The following CCNH variants were observed in gnomAD, a reference collection of about 807,000 sequenced individuals.
CCNH encodes cyclin-H.
Under a neutral mutation model 41.9 loss-of-function variants are expected in CCNH, and 31 were observed. The observed-to-expected ratio is 0.74, with a 90% confidence interval of 0.56 to 1.00. The LOEUF (loss-of-function observed/expected upper bound fraction) is 1.00. Ranked by LOEUF, CCNH falls within the 50% of genes least tolerant of loss-of-function variation. The pLI is 0.00. For missense variants in CCNH, 362 were observed against 388.4 expected (o/e 0.93, Z 0.57); for synonymous variants, 138 against 136.1 (o/e 1.01, Z -0.10).
At chr5:87,323,747 T>C (rs1452303653) in intron 9 of CCNH, among the ~76,000 whole-genome samples, 1 of 152,096 alleles carries the variant, frequency 6.6e-6, no homozygotes, top group African/African-American at 2.4e-5. Context: ...TTTTTCCCAC[T>C]GCCTGTTATA....
chr5:87,403,908 G>A (rs560988319), intron 5 of CCNH, among the ~76,000 whole-genome samples: 2 of 152,278 alleles, frequency 1.3e-5, no homozygotes, highest in East Asian at 3.9e-4. Context: ...CTAAAGTGTA[G>A]TACAGTGCAT....
rs1314156817 is a variant in CCNH at position 87,338,506 on chromosome 5, T to TAC, written c.*91-19610_*91-19609insGT. On this transcript the variant is annotated intron_variant and NMD_transcript_variant, in intron 9 of 9. Transcript: ENST00000645953. ...GCCACCATGCCCAGCTAATTTTATATATATATATATATATATATATATATA... is the reference window on the plus strand; with the variant it reads ...GCCACCATGCCCAGCTAATTTTATATACATATATATATATATATATATATATA... 3.3e-4 allele frequency among the ~76,000 whole-genome samples: 29 copies of TAC among 87,072 alleles called. No individual in the cohort carries two copies. The South Asian group carries it at 0.011, about 32-fold the overall frequency. The allele number at this position is 87,072 out of a possible 152,430, so 57.1% of individuals were successfully genotyped here. A position where few individuals can be genotyped will look rare whatever the true frequency, so the allele number is the denominator to read the frequency against.
chr5:87,334,698 G>A lies in CCNH; in HGVS notation c.*91-15801C>T, dbSNP rs149679797. ...TGTATTCTTCACTGTTACACACTTA[G>A]AGTTAAAGACAGTTTCATTGAAGAG... On this transcript the variant is annotated intron_variant and NMD_transcript_variant, in intron 9 of 9. Transcript: ENST00000645953. 6.6e-5 allele frequency among the ~76,000 whole-genome samples: 10 copies of A among 152,308 alleles called. No homozygotes were observed. The East Asian group carries it at 1.7e-3, about 26-fold the overall frequency.
intron 4 of CCNH, 137 bp downstream of exon 4, chr5:87,407,839 T>C (rs1763912532): frequency 3.2e-6 from 2 of 622,744 alleles, no homozygotes; most frequent in South Asian, 4.2e-5. Context: ...ACAACTGCCC[T>C]AGATGACCAG....
At chr5:87,383,377 C>G (rs1184651477) in intron 9 of CCNH, among the ~76,000 whole-genome samples, 1 of 152,072 alleles carries the variant, frequency 6.6e-6, no homozygotes, top group Non-Finnish European at 1.5e-5. Context: ...ATACTACTTT[C>G]TCTAAGTATC....
At chr5:87,327,635 C>T (rs1282990667) in intron 9 of CCNH, among the ~76,000 whole-genome samples, 1 of 152,136 alleles carries the variant, frequency 6.6e-6, no homozygotes, top group African/African-American at 2.4e-5. Flanking sequence ...TCTTTGAGTT[C>T]TGTCAGCCTA....
At chr5:87,364,637 A>C (rs1365621268) in intron 9 of CCNH, among the ~76,000 whole-genome samples, 1 of 152,090 alleles carries the variant, frequency 6.6e-6, no homozygotes, top group Non-Finnish European at 1.5e-5. Context: ...CTTAACCTTC[A>C]AATGTGGTTG....
chr5:87,384,929 G>T (rs1409524140), intron 9 of CCNH, among the ~76,000 whole-genome samples: 3 of 152,078 alleles, frequency 2.0e-5, no homozygotes, highest in Admixed American at 1.3e-4. Flanking sequence ...AACCTGAGTA[G>T]GTTGAAATTA....
At chr5:87,331,718 C>G (rs1358238803) in intron 9 of CCNH, among the ~76,000 whole-genome samples, 1 of 151,916 alleles carries the variant, frequency 6.6e-6, no homozygotes. Context: ...CTGTGCTGAT[C>G]CTCAAATATA....
intron 9 of CCNH, among the ~76,000 whole-genome samples, chr5:87,341,534 C>G (rs1434824975): frequency 6.6e-6 from 1 of 151,974 alleles, no homozygotes; most frequent in Non-Finnish European, 1.5e-5. Flanking sequence ...AAATATAACT[C>G]TTTTTATCAC....
chr5:87,331,311 T>C (rs781206758), intron 9 of CCNH: 2 of 1,557,218 alleles, frequency 1.3e-6, no homozygotes, highest in Admixed American at 3.4e-5. Flanking sequence ...CTGCACTTGC[T>C]ATTTATATTG....
intron 9 of CCNH, among the ~76,000 whole-genome samples, chr5:87,354,244 A>G (rs570837311): frequency 6.6e-6 from 1 of 152,242 alleles, no homozygotes; most frequent in East Asian, 1.9e-4. Flanking sequence ...TTTATTGTGC[A>G]TTGCCTTATT....
chr5:87,394,291 AT>A lies in CCNH; in HGVS notation c.*154del. On this transcript the variant is annotated 3_prime_UTR_variant, in exon 9 of 9. Transcript: ENST00000256897. ...ATTCTAGCTCTTTTGAAGATGGTTT[AT>A]TTTACATAAAGTTACTGTGAAAGGG... is the stretch of plus-strand genomic sequence containing the variant. 8 of 1,346,704 alleles carry A rather than the reference AT, an allele frequency of 5.9e-6. No homozygotes were observed. Among genetic ancestry groups the A allele is most frequent in the Non-Finnish European group, 7.7e-6 (8 of 1,044,412 alleles). The allele number at this position is 1,346,704 out of a possible 1,614,324, so 83.4% of individuals were successfully genotyped here.
intron 9 of CCNH, among the ~76,000 whole-genome samples, chr5:87,326,969 TC>T (rs1394417772): frequency 6.6e-6 from 1 of 152,226 alleles, no homozygotes; most frequent in African/African-American, 2.4e-5. Context: ...CACAGATTGA[TC>T]ACCCATTTTG....
At chr5:87,373,872 T>C (rs533707004), downstream of CCNH, among the ~76,000 whole-genome samples, 2 of 152,132 alleles carry the variant, frequency 1.3e-5, no homozygotes, top group African/African-American at 4.8e-5. Context: ...TATCATTGTT[T>C]TATGGTAGAA....
intron 9 of CCNH, among the ~76,000 whole-genome samples, chr5:87,340,960 G>A (rs79496528): frequency 2.0e-5 from 3 of 147,864 alleles, no homozygotes; most frequent in African/African-American, 7.5e-5. Context: ...GTAGAGAGGT[G>A]TTTTTTTTTT....
At chr5:87,314,180 A>G (rs936566212), downstream of CCNH, among the ~76,000 whole-genome samples, 5 of 152,054 alleles carry the variant, frequency 3.3e-5, no homozygotes, top group African/African-American at 1.2e-4. Context: ...TCTCAAAAAG[A>G]TAAAAAATAA....
chr5:87,389,434 G>T (rs764894260), downstream of CCNH: 1 of 1,614,120 alleles, frequency 6.2e-7, no homozygotes, highest in South Asian at 1.1e-5. Flanking sequence ...ATTCTAGAAC[G>T]GACCTGTCCC....
In CCNH at chr5:87,349,303, C is replaced by T. The variant is rs1210180190; in HGVS notation, c.*91-30406G>A. ...TTTCCGGACCAATGAAAATATTCAG[C>T]GATTTAAAATATGTCCAACGCCAAA... On this transcript the variant is annotated intron_variant and NMD_transcript_variant, in intron 9 of 9. Transcript: ENST00000645953. 1 of 1,611,926 alleles carries T rather than the reference C, an allele frequency of 6.2e-7. No homozygotes were observed. The highest frequency in any genetic ancestry group is 8.5e-7 in the Non-Finnish European group (1 of 1,178,696).
Sources: allele counts gnomAD v4.1 joint callset (sites outside exome capture counted in the v4.1 genomes callset), GRCh38; gene constraint gnomAD v4.1.1; transcripts MANE v1.5; gene names NCBI Gene and HGNC (gene_info 2026-07-23, HGNC 2026-07-21).